FRYL: variants seen among roughly 807,000 people sequenced by gnomAD.
FRYL encodes the protein FRY like transcription coactivator.
In FRYL, 150 loss-of-function variants were observed where a neutral mutation model predicts 351.2. That is an observed-to-expected ratio of 0.43 (90% CI 0.37 to 0.49). FRYL has a LOEUF of 0.49. Among genes scored for constraint, FRYL ranks in the 20% least tolerant of loss-of-function variants. FRYL has a pLI of 0.00. For missense variants in FRYL, 3,036 were observed against 3,619.3 expected (o/e 0.84, Z 4.13); for synonymous variants, 1,153 against 1,257.1 (o/e 0.92, Z 1.75).
intron 1 of FRYL, among the ~76,000 whole-genome samples, chr4:48,778,666 G>T (rs1161966409): frequency 1.3e-5 from 2 of 152,208 alleles, no homozygotes; most frequent in Non-Finnish European, 2.9e-5. Context: ...GAGTGATAAT[G>T]CTCAAGATGA....
intron 3 of FRYL, among the ~76,000 whole-genome samples, chr4:48,636,153 T>G (rs1467246381): frequency 6.6e-6 from 1 of 152,134 alleles, no homozygotes; most frequent in Admixed American, 6.6e-5. Flanking sequence ...TTGAACACAG[T>G]GTACATTATT....
rs866404037 is a variant in FRYL, at chr4:48,716,229, C to T, written c.-383-5531G>A. ...CATAGGCATGGGCAAGGACTTCATG[C>T]CTAAAACACCAAAAGCAATGGCAAC... On this transcript the variant is annotated intron_variant, in intron 1 of 63. Transcript: ENST00000358350. Among the ~76,000 whole-genome samples, 218 of 150,680 alleles carry T rather than the reference C, an allele frequency of 1.4e-3. 5 individuals carry two copies. The highest frequency in any genetic ancestry group is 4.7e-3 in the African/African-American group (192 of 41,272).
In FRYL at chr4:48,557,632, T is replaced by C. The variant is rs565062654; in HGVS notation, c.3946A>G (p.Ile1316Val). The change falls in exon 34 of 64, where the codon ATC (isoleucine) becomes GTC (valine). Residue 1316 changes from isoleucine to valine, a missense_variant. This residue lies in a region of FRYL where 1,987 missense variants were observed against 2,311.7 expected (regional missense o/e 0.86). Transcript: ENST00000358350. Reference protein sequence around the residue: ...LHYLLPWMNNIELVDLKPLPT... With the variant: ...LHYLLPWMNNVELVDLKPLPT... Reference sequence around the variant, plus strand: ...AGAGGTTTTAAGTCCACCAGCTCGATGTTGTTCATCCATGGTAGCAGGTAG... The same window carrying C: ...AGAGGTTTTAAGTCCACCAGCTCGACGTTGTTCATCCATGGTAGCAGGTAG... 5.6e-6 allele frequency: 9 copies of C among 1,614,200 alleles called. No individual in the cohort carries two copies. The highest frequency in any genetic ancestry group is 2.7e-5 in the African/African-American group (2 of 75,062).
chr4:48,646,211 A>T (rs1756436051), intron 3 of FRYL, among the ~76,000 whole-genome samples: 1 of 152,184 alleles, frequency 6.6e-6, no homozygotes, highest in Admixed American at 6.5e-5. Flanking sequence ...TCTGTATCAT[A>T]TATCAATAAT....
In FRYL at chr4:48,549,061, C is replaced by T. The variant is rs1732095901; in HGVS notation, c.4785-268G>A. On this transcript the variant is annotated intron_variant, in intron 39 of 63. Transcript: ENST00000358350. This position sits in a 1 kb window ranked among gnomAD's most constrained non-coding sequence, Gnocchi z 4.2. ...ACCTTGAGACTTAGCACACTGCTTG[C>T]CACAGTAGGTGTTCAATACATGTTT... Among the ~76,000 whole-genome samples, 1 of 152,146 alleles carries T rather than the reference C, an allele frequency of 6.6e-6. No individual in the cohort carries two copies. The highest frequency in any genetic ancestry group is 2.4e-5 in the African/African-American group (1 of 41,434).
intron 3 of FRYL, among the ~76,000 whole-genome samples, chr4:48,656,056 T>G (rs1301947795): frequency 2.2e-5 from 3 of 137,404 alleles, no homozygotes; most frequent in Non-Finnish European, 3.0e-5. Flanking sequence ...AATGTACATA[T>G]AATTATACAT....
In FRYL at chr4:48,564,071, A is replaced by G; in HGVS notation, c.3473T>C (p.Leu1158Ser). 1 of 1,614,154 alleles carries G rather than the reference A, an allele frequency of 6.2e-7. No homozygotes were observed. Among genetic ancestry groups the G allele is most frequent in the East Asian group, 2.2e-5 (1 of 44,882 alleles). Residue 1158 changes from leucine to serine, a missense_variant, in exon 31 of 64, where the codon TTG becomes TCG. By Grantham distance (145) the Leu-to-Ser change is moderately radical. Around this residue, in one of 7 missense-constraint regions of FRYL, gnomAD observed 1,987 missense variants for 2,311.7 expected, o/e 0.86. Coordinates refer to ENST00000358350, the MANE Select transcript of FRYL (RefSeq NM_015030.2). ...VHQLGCEAVTLLLELNPDQSN... is the reference protein window; with the variant it reads ...VHQLGCEAVTSLLELNPDQSN... ...CTGATCAGGGTTCAGCTCCAGTAAC[A>G]ACGTAACTGCTTCACAGCCCAGCTG...
At chr4:48,640,269 T>C (rs1419412918) in intron 3 of FRYL, among the ~76,000 whole-genome samples, 2 of 152,088 alleles carry the variant, frequency 1.3e-5, no homozygotes, top group Admixed American at 6.6e-5. Context: ...TGTCATTCAG[T>C]AGGTGAATGG....
intron 1 of FRYL, among the ~76,000 whole-genome samples, chr4:48,735,828 G>A (rs1200352959): frequency 2.2e-5 from 2 of 92,874 alleles, no homozygotes; most frequent in African/African-American, 4.2e-5. Context: ...TGGTGGGGTC[G>A]GGGGAGGGGG....
At chr4:48,714,786 T>C (rs1768554238) in intron 1 of FRYL, among the ~76,000 whole-genome samples, 3 of 151,002 alleles carry the variant, frequency 2.0e-5, no homozygotes, top group Admixed American at 2.0e-4. Context: ...ACCAGCATCA[T>C]CCTGATACCA....
At chr4:48,560,320 G>A (rs1472859) in intron 33 of FRYL, among the ~76,000 whole-genome samples, 8,766 of 152,264 alleles carry the variant, frequency 0.058, 346 homozygotes, top group Non-Finnish European at 0.088. Flanking sequence ...ATGTAGGTTA[G>A]CTATGGAATT....
chr4:48,528,402 T>G, intron 50 of FRYL, 66 bp from the exon 51 acceptor site: 2 of 1,258,874 alleles, frequency 1.6e-6, no homozygotes, highest in Non-Finnish European at 2.2e-6. Context: ...TTAAAAGGGT[T>G]AACAGTGCAC....
chr4:48,660,853 C>T (rs1047928795), intron 3 of FRYL, among the ~76,000 whole-genome samples: 1 of 152,070 alleles, frequency 6.6e-6, no homozygotes, highest in African/African-American at 2.4e-5. Flanking sequence ...AATTGAGGGA[C>T]AGTATACAAA....
chr4:48,678,634 T>G (rs747074220), intron 3 of FRYL, among the ~76,000 whole-genome samples: 13 of 152,072 alleles, frequency 8.5e-5, no homozygotes, highest in Admixed American at 2.0e-4. Context: ...TTAAATTAAT[T>G]TTAATAGTCA....
At chr4:48,628,431 C>CATGT (rs71191240) in intron 4 of FRYL, among the ~76,000 whole-genome samples, 2 of 144,662 alleles carry the variant, frequency 1.4e-5, no homozygotes, top group Admixed American at 7.0e-5. Flanking sequence ...CCTTCATTTG[C>CATGT]GTGTGTGTGT....
intron 1 of FRYL, among the ~76,000 whole-genome samples, chr4:48,715,929 A>G (rs1226274140): frequency 2.0e-5 from 3 of 152,148 alleles, no homozygotes; most frequent in Non-Finnish European, 2.9e-5. Context: ...AAACAGAGAT[A>G]TAGACCAATG....
At chr4:48,652,235 G>A (rs1757857365) in intron 3 of FRYL, among the ~76,000 whole-genome samples, 1 of 152,226 alleles carries the variant, frequency 6.6e-6, no homozygotes, top group Non-Finnish European at 1.5e-5. Context: ...AAGACAAGCT[G>A]CTGTGATATA....
chr4:48,668,183 A>G lies in FRYL; in HGVS notation c.-81+16490T>C, dbSNP rs1762063889. 2.0e-5 allele frequency among the ~76,000 whole-genome samples: 3 copies of G among 152,188 alleles called. No homozygotes were observed. In the South Asian group the frequency reaches 6.2e-4, roughly 31 times the overall value. On this transcript the variant is annotated intron_variant, in intron 3 of 63. Transcript: ENST00000358350. Reference sequence around the variant, plus strand: ...AGCCAGAGCTAAGTACCTGCGACAAAGACCTGTGGCCTGCAAAGCCTAAAA... The same window carrying G: ...AGCCAGAGCTAAGTACCTGCGACAAGGACCTGTGGCCTGCAAAGCCTAAAA...
In FRYL at chr4:48,547,649, T is replaced by C. The variant is rs1297060594; in HGVS notation, c.5009A>G (p.Lys1670Arg). 2.5e-6 allele frequency: 4 copies of C among 1,607,878 alleles called. No individual in the cohort carries two copies. The highest frequency in any genetic ancestry group is 3.4e-6 in the Non-Finnish European group (4 of 1,175,766). The change falls in exon 41 of 64, where the codon AAG becomes AGG. Residue 1670 changes from lysine (K) to arginine (R), a missense_variant. By Grantham distance (26) the Lys-to-Arg change is conservative. This residue lies in a region of FRYL where 1,987 missense variants were observed against 2,311.7 expected (regional missense o/e 0.86). Coordinates refer to ENST00000358350, the MANE Select transcript of FRYL (RefSeq NM_015030.2). ...RTVASVLLRN[K>R]EFNEPRVLTV... ...AAGCACCCTGGGCTCATTAAACTCC[T>C]TGTTCCTGAGAAGGACAGAAGCAAC...
Sources: gnomAD v4.1 joint callset for allele counts (sites outside exome capture counted in the v4.1 genomes callset) on GRCh38, gnomAD v4.1.1 for gene constraint, gnomAD v4.1.1 regional missense constraint, Gnocchi (gnomAD v3.1) non-coding constraint, MANE v1.5 for transcripts, NCBI Gene and HGNC (gene_info 2026-07-23, HGNC 2026-07-21) for gene names.